Variants in CUL3 observed in about 807,000 individuals in gnomAD.
CUL3 encodes the protein cullin-3.
CUL3 carries 19 observed loss-of-function variants against 89.1 expected under a neutral mutation model. The observed-to-expected ratio is 0.21, with a 90% confidence interval of 0.15 to 0.31. The LOEUF is 0.31. Among genes scored for constraint, CUL3 ranks in the 10% least tolerant of loss-of-function variants. The pLI, the probability that CUL3 is intolerant of heterozygous loss-of-function variation, is 1.00. For synonymous variants in CUL3, 351 were observed against 308.4 expected (o/e 1.14, Z -1.45); for missense variants, 469 against 942.3 (o/e 0.50, Z 6.58).
intron 1 of CUL3, among the ~76,000 whole-genome samples, chr2:224,566,640 A>AT (rs978937762): frequency 1.3e-5 from 2 of 152,124 alleles, no homozygotes; most frequent in Non-Finnish European, 2.9e-5. Context: ...TTACCTTGAC[A>AT]TTTTTTAAGC....
intron 1 of CUL3, 86 bp from the exon 2 acceptor site, chr2:224,557,942 T>C: frequency 1.4e-6 from 1 of 737,762 alleles, no homozygotes; most frequent in Non-Finnish European, 2.2e-6. Context: ...TGTCCATATA[T>C]AGTAAATATT....
intron 14 of CUL3, chr2:224,479,184 G>A (rs1691437694): frequency 6.6e-6 from 1 of 152,176 alleles, no homozygotes; most frequent in African/African-American, 2.4e-5. Context: ...AGCAGCACAT[G>A]GGGCATTGCT....
At chr2:224,555,279 T>C (rs1414087824) in intron 2 of CUL3, among the ~76,000 whole-genome samples, 1 of 152,212 alleles carries the variant, frequency 6.6e-6, no homozygotes, top group Non-Finnish European at 1.5e-5. Flanking sequence ...GTATTTGCAA[T>C]TGGTGGCACT....
At chr2:224,521,728 T>C (rs545689429) in intron 3 of CUL3, among the ~76,000 whole-genome samples, 1 of 152,100 alleles carries the variant, frequency 6.6e-6, no homozygotes, top group African/African-American at 2.4e-5. Context: ...AGGATAGTTA[T>C]TTATTAGTAC....
intron 2 of CUL3, among the ~76,000 whole-genome samples, chr2:224,556,749 T>C (rs1348920678): frequency 6.6e-6 from 1 of 152,168 alleles, no homozygotes; most frequent in African/African-American, 2.4e-5. Context: ...AAAAGAAATG[T>C]TGCAAAGTCT....
intron 2 of CUL3, among the ~76,000 whole-genome samples, chr2:224,551,980 T>G (rs1193230081): frequency 6.6e-6 from 1 of 152,228 alleles, no homozygotes; most frequent in Admixed American, 6.5e-5. Context: ...CCTTTCTTGA[T>G]TATATTTTAT....
At chr2:224,560,067 A>G (rs754756193) in intron 1 of CUL3, among the ~76,000 whole-genome samples, 1 of 152,204 alleles carries the variant, frequency 6.6e-6, no homozygotes, top group Non-Finnish European at 1.5e-5. Flanking sequence ...TGGATGACAG[A>G]GCAAGACCCT....
chr2:224,550,196 C>T (rs1032600141), intron 2 of CUL3, among the ~76,000 whole-genome samples: 1 of 152,154 alleles, frequency 6.6e-6, no homozygotes, highest in African/African-American at 2.4e-5. Flanking sequence ...TTTGCATATA[C>T]ATAATGAGAG....
intron 13 of CUL3, among the ~76,000 whole-genome samples, chr2:224,484,482 T>G (rs996337228): frequency 6.6e-6 from 1 of 152,182 alleles, no homozygotes; most frequent in Non-Finnish European, 1.5e-5. Context: ...ATGCTCTTTA[T>G]AGATTATGGT....
At chr2:224,478,163 T>A (rs757848494) in intron 15 of CUL3, 37 bp downstream of exon 15, 1 of 1,525,390 alleles carries the variant, frequency 6.6e-7, no homozygotes, top group Non-Finnish European at 8.8e-7. Context: ...AATGTTACTG[T>A]TTTTTCTATA....
intron 1 of CUL3, among the ~76,000 whole-genome samples, chr2:224,559,515 A>G (rs1237514772): frequency 6.6e-6 from 1 of 151,988 alleles, no homozygotes; most frequent in Admixed American, 6.6e-5. Flanking sequence ...ACAAACCCAT[A>G]TATTCCTTCA....
chr2:224,565,870 G>GT (rs1409788185), intron 1 of CUL3, among the ~76,000 whole-genome samples: 1 of 152,162 alleles, frequency 6.6e-6, no homozygotes, highest in East Asian at 1.9e-4. Context: ...TCTGGACACA[G>GT]TTTTCTACAG....
chr2:224,570,879 A>C (rs2106320911), intron 1 of CUL3, among the ~76,000 whole-genome samples: 1 of 152,310 alleles, frequency 6.6e-6, no homozygotes, highest in Middle Eastern at 3.4e-3. Flanking sequence ...AATGTGAAAC[A>C]ATTTTTTCAA....
At chr2:224,494,426 T>C (rs1442058218) in intron 13 of CUL3, among the ~76,000 whole-genome samples, 1 of 151,862 alleles carries the variant, frequency 6.6e-6, no homozygotes, top group East Asian at 1.9e-4. Flanking sequence ...ATATTTTAAT[T>C]GGGAGAAAAG....
chr2:224,489,689 T>C (rs1366284352), intron 13 of CUL3, among the ~76,000 whole-genome samples: 1 of 152,220 alleles, frequency 6.6e-6, no homozygotes, highest in Admixed American at 6.5e-5. Context: ...CCCATCAAGC[T>C]ACCATTGACT....
At chr2:224,508,190 A>C (rs1332188043) in intron 6 of CUL3, among the ~76,000 whole-genome samples, 1 of 151,702 alleles carries the variant, frequency 6.6e-6, no homozygotes, top group Admixed American at 6.6e-5. Context: ...TTCTAAGAGT[A>C]GTTTAGAGCT....
intron 2 of CUL3, among the ~76,000 whole-genome samples, chr2:224,547,989 A>G (rs112469281): frequency 6.5e-4 from 99 of 152,332 alleles, no homozygotes; most frequent in African/African-American, 2.3e-3. Context: ...TATATTGAAA[A>G]AGTAGTTCAC....
chr2:224,550,590 G>A (rs973456455), intron 2 of CUL3, among the ~76,000 whole-genome samples: 6 of 152,078 alleles, frequency 3.9e-5, no homozygotes, highest in Admixed American at 1.3e-4. Flanking sequence ...CTGCCCCACC[G>A]TATCAGAAAA....
chr2:224,506,789 A>T, intron 7 of CUL3, 69 bp downstream of exon 7: 1 of 1,377,584 alleles, frequency 7.3e-7, no homozygotes, highest in South Asian at 1.3e-5. Flanking sequence ...AGCATGGTAA[A>T]AGTGGCCTTT....
Sources: allele counts gnomAD v4.1 joint callset (sites outside exome capture counted in the v4.1 genomes callset), GRCh38; gene constraint gnomAD v4.1.1; transcripts MANE v1.5; gene names NCBI Gene and HGNC (gene_info 2026-07-23, HGNC 2026-07-21).